PDE7B: variants seen among roughly 807,000 people sequenced by gnomAD.
The protein encoded by PDE7B is phosphodiesterase 7B.
In PDE7B, 29 loss-of-function variants were observed where a neutral mutation model predicts 56.2. The observed-to-expected ratio is 0.52, with a 90% CI of 0.38 to 0.70. PDE7B has a LOEUF of 0.70. PDE7B is among the 30% of genes least tolerant of loss of function. The pLI is 0.00. For missense variants in PDE7B, 490 were observed against 565.0 expected (o/e 0.87, Z 1.35); for synonymous variants, 197 against 196.9 (o/e 1.00, Z 0.00).
rs547627693 is a variant in PDE7B at position 136,000,359 on chromosome 6, C to G, written c.82+52835C>G. ...TCCAGAATGGTATTTCTTCGGTTGTCTTCCATGGTTTTTATAGTTTTGGGT... is the reference window on the plus strand; with the variant it reads ...TCCAGAATGGTATTTCTTCGGTTGTGTTCCATGGTTTTTATAGTTTTGGGT... On this transcript the variant is annotated intron_variant, in intron 2 of 12. Coordinates refer to ENST00000308191, the MANE Select transcript of PDE7B (RefSeq NM_018945.4). Among the ~76,000 whole-genome samples, 10 of 152,286 alleles carry G rather than the reference C, an allele frequency of 6.6e-5. No individual in the cohort carries two copies. The South Asian group carries it at 2.1e-3, about 32-fold the overall frequency.
intron 2 of PDE7B, among the ~76,000 whole-genome samples, chr6:136,022,561 T>C (rs1476029635): frequency 6.6e-6 from 1 of 152,202 alleles, no homozygotes; most frequent in Non-Finnish European, 1.5e-5. Context: ...TGTTAATGTG[T>C]AGTAACCTTT....
chr6:136,080,017 C>T (rs1459430940), intron 2 of PDE7B, among the ~76,000 whole-genome samples: 1 of 152,092 alleles, frequency 6.6e-6, no homozygotes, highest in African/African-American at 2.4e-5. Flanking sequence ...CCAAACCAAC[C>T]ACCCACCTGC....
At position 136,066,303 on chromosome 6, in the gene PDE7B, GGGTTT is replaced by G. The variant is rs202214798; in HGVS notation, c.83-42419_83-42415del. On this transcript the variant is annotated intron_variant, in intron 2 of 12. Transcript: ENST00000308191. The stretch of plus-strand genomic sequence containing the variant: ...ACCTTGGATTCCATGTTTGCTGTTT[GGGTTT>G]GGTTTGGTCCTTTTAGAAGGCAAGA... Among the ~76,000 whole-genome samples the G allele has an allele frequency of 7.7e-3, 1,174 of 152,274 alleles. 12 individuals carry two copies. The highest frequency in any genetic ancestry group is 0.015 in the Admixed American group (224 of 15,298).
intron 1 of PDE7B, among the ~76,000 whole-genome samples, chr6:135,900,094 G>A (rs1013716935): frequency 2.6e-5 from 4 of 151,758 alleles, no homozygotes; most frequent in Non-Finnish European, 5.9e-5. Flanking sequence ...CTTTTCCCCC[G>A]TGTGTTCTGG....
intron 1 of PDE7B, among the ~76,000 whole-genome samples, chr6:135,873,396 T>G (rs1775426463): frequency 6.6e-6 from 1 of 152,196 alleles, no homozygotes; most frequent in Non-Finnish European, 1.5e-5. Flanking sequence ...GCACAAAATT[T>G]TTTTCACTGA....
intron 1 of PDE7B, among the ~76,000 whole-genome samples, chr6:135,934,429 A>AAT (rs1009203362): frequency 1.3e-4 from 20 of 151,678 alleles, no homozygotes; most frequent in African/African-American, 3.9e-4. Flanking sequence ...TGCTGTTTAA[A>AAT]ATATATATAT....
chr6:136,029,836 A>C (rs1246318740), intron 2 of PDE7B, among the ~76,000 whole-genome samples: 2 of 152,172 alleles, frequency 1.3e-5, no homozygotes, highest in Non-Finnish European at 2.9e-5. Flanking sequence ...TTATGGTGCA[A>C]TAATTCTTCT....
intron 2 of PDE7B, among the ~76,000 whole-genome samples, chr6:136,009,378 A>G (rs945233773): frequency 1.3e-5 from 2 of 152,102 alleles, no homozygotes; most frequent in African/African-American, 2.4e-5. Context: ...GAAGAAAGTC[A>G]TTGGTAGCTT....
chr6:135,940,001 C>A (rs1774482620), intron 1 of PDE7B, among the ~76,000 whole-genome samples: 1 of 152,130 alleles, frequency 6.6e-6, no homozygotes, highest in Admixed American at 6.5e-5. Flanking sequence ...CATCCTGGTT[C>A]TTCGAAAGCA....
At chr6:136,034,323 T>G (rs1776290610) in intron 2 of PDE7B, 1 of 152,232 alleles carries the variant, frequency 6.6e-6, no homozygotes, top group African/African-American at 2.4e-5. Flanking sequence ...AGGTTCTAAA[T>G]CAACTATATA....
At chr6:135,951,653 T>G (rs1774701354) in intron 2 of PDE7B, among the ~76,000 whole-genome samples, 2 of 152,162 alleles carry the variant, frequency 1.3e-5, no homozygotes, top group South Asian at 4.1e-4. Context: ...TGGGATTTTT[T>G]CAAATTATAA....
At chr6:136,162,991 C>T (rs1778734390) in intron 8 of PDE7B, among the ~76,000 whole-genome samples, 1 of 152,184 alleles carries the variant, frequency 6.6e-6, no homozygotes, top group Non-Finnish European at 1.5e-5. Flanking sequence ...CATGGGATGG[C>T]ATTGAGTGTC....
At chr6:135,856,008 C>T (rs1775020689) in intron 1 of PDE7B, among the ~76,000 whole-genome samples, 1 of 152,152 alleles carries the variant, frequency 6.6e-6, no homozygotes. Flanking sequence ...GTGATTTAAC[C>T]TGACAAAATT....
chr6:136,092,044 C>T (rs940460131), intron 2 of PDE7B, among the ~76,000 whole-genome samples: 4 of 152,112 alleles, frequency 2.6e-5, no homozygotes, highest in Non-Finnish European at 4.4e-5. Context: ...AAATTGTCCC[C>T]GATTATCATC....
rs544139848 is a variant in PDE7B, at chr6:136,076,323, A to G, written c.83-32408A>G. ...CCCCGTCTCTACTAAAAATACAAAA[A>G]TTAGCCAAGCATCATGGCAGTTGTC... On this transcript the variant is annotated intron_variant, in intron 2 of 12. Transcript: ENST00000308191. 8.7e-4 allele frequency among the ~76,000 whole-genome samples: 133 copies of G among 152,192 alleles called. No individual in the cohort carries two copies. In the South Asian group the frequency reaches 0.026, roughly 30 times the overall value.
chr6:136,010,629 G>A (rs1775876486), intron 2 of PDE7B, among the ~76,000 whole-genome samples: 1 of 151,678 alleles, frequency 6.6e-6, no homozygotes. Flanking sequence ...ATTTTTGCTT[G>A]TTTTTTTCTT....
At chr6:136,064,474 C>T (rs967945778) in intron 2 of PDE7B, 1 of 152,126 alleles carries the variant, frequency 6.6e-6, no homozygotes, top group Non-Finnish European at 1.5e-5. Context: ...AGGCTGTTAC[C>T]CAGTGTTCTC....
intron 1 of PDE7B, among the ~76,000 whole-genome samples, chr6:135,932,707 A>G (rs1176485695): frequency 6.6e-6 from 1 of 152,216 alleles, no homozygotes; most frequent in Non-Finnish European, 1.5e-5. Context: ...AGGTTCAGAA[A>G]GTCTCCTATG....
intron 3 of PDE7B, among the ~76,000 whole-genome samples, chr6:136,128,457 C>T (rs147117585): frequency 2.0e-3 from 299 of 152,172 alleles, no homozygotes; most frequent in Non-Finnish European, 3.4e-3. Flanking sequence ...ACGTGTTTTA[C>T]TGAGTGTCTT....
Sources: gnomAD v4.1 joint callset for allele counts (sites outside exome capture counted in the v4.1 genomes callset) on GRCh38, gnomAD v4.1.1 for gene constraint, MANE v1.5 for transcripts, NCBI Gene and HGNC (gene_info 2026-07-23, HGNC 2026-07-21) for gene names.